ROBO2: variants seen among roughly 807,000 people sequenced by gnomAD.
ROBO2 encodes the protein roundabout homolog 2.
A neutral mutation model predicts 160.8 loss-of-function variants in ROBO2; 53 were observed. The observed-to-expected ratio is 0.33, with a 90% CI of 0.26 to 0.41. The LOEUF is 0.41. Among genes scored for constraint, ROBO2 ranks in the 10% least tolerant of loss-of-function variants. The pLI, the probability that ROBO2 is intolerant of heterozygous loss-of-function variation, is 1.00. For missense variants in ROBO2, 1,577 were observed against 1,722.4 expected (o/e 0.92, Z 1.49); for synonymous variants, 664 against 611.7 (o/e 1.09, Z -1.26).
At chr3:76,514,820 GGTTA>G (rs1436622713) in intron 2 of ROBO2, among the ~76,000 whole-genome samples, 6 of 152,108 alleles carry the variant, frequency 3.9e-5, no homozygotes, top group South Asian at 2.1e-4. Flanking sequence ...GAAACTCAGA[GGTTA>G]GATACATGAT....
chr3:77,374,152 C>T (rs145876447), intron 2 of ROBO2, among the ~76,000 whole-genome samples: 39 of 109,348 alleles, frequency 3.6e-4, no homozygotes, highest in African/African-American at 1.4e-3. Flanking sequence ...CCCAGGCCGA[C>T]AACAGCGAGA....
chr3:76,940,281 C>T (rs1399636452), intron 2 of ROBO2, among the ~76,000 whole-genome samples: 4 of 151,998 alleles, frequency 2.6e-5, no homozygotes, highest in Non-Finnish European at 4.4e-5. Context: ...TGCGCCTCGC[C>T]GCAACAGGAT....
intron 2 of ROBO2, among the ~76,000 whole-genome samples, chr3:76,590,381 T>C (rs2086339624): frequency 6.6e-6 from 1 of 152,130 alleles, no homozygotes. Context: ...TTTATACGTA[T>C]AATTATTTAA....
chr3:76,399,096 A>T (rs1267354188), intron 2 of ROBO2, among the ~76,000 whole-genome samples: 1 of 151,848 alleles, frequency 6.6e-6, no homozygotes, highest in Admixed American at 6.6e-5. Flanking sequence ...CGCAAGCATA[A>T]TATAATTTTA....
At chr3:77,410,531 C>CCTCCTCTTCT (rs1560757016) in intron 2 of ROBO2, among the ~76,000 whole-genome samples, 17 of 117,080 alleles carry the variant, frequency 1.5e-4, no homozygotes, top group Admixed American at 7.3e-4. Context: ...CCTCCTCTTC[C>CCTCCTCTTCT]TCCTCCTCTT....
intron 2 of ROBO2, among the ~76,000 whole-genome samples, chr3:75,981,367 G>A (rs566970359): frequency 9.2e-5 from 14 of 151,500 alleles, no homozygotes; most frequent in African/African-American, 3.4e-4. Context: ...GGGTTGTGGT[G>A]AGGAATAAAG....
At chr3:76,026,002 G>C (rs777713674) in intron 2 of ROBO2, among the ~76,000 whole-genome samples, 3 of 151,838 alleles carry the variant, frequency 2.0e-5, no homozygotes, top group Non-Finnish European at 4.4e-5. Context: ...CAATCTCACT[G>C]TATTTATTCT....
intron 2 of ROBO2, among the ~76,000 whole-genome samples, chr3:76,685,904 T>C (rs931316920): frequency 3.3e-5 from 5 of 152,144 alleles, no homozygotes; most frequent in African/African-American, 1.2e-4. Flanking sequence ...GCAGAGAGTA[T>C]GCATCCTTTC....
chr3:76,483,662 C>G (rs2107375485), intron 2 of ROBO2, among the ~76,000 whole-genome samples: 1 of 152,126 alleles, frequency 6.6e-6, no homozygotes, highest in Middle Eastern at 3.4e-3. Flanking sequence ...ATTTCACCAC[C>G]CAGGTAGTAA....
rs150972512 is a variant in ROBO2 at position 77,376,033 on chromosome 3, G to A, written c.389-101381G>A. Among the ~76,000 whole-genome samples, 261 of 152,172 alleles carry A rather than the reference G, an allele frequency of 1.7e-3. 1 individual carries two copies. The highest frequency in any genetic ancestry group is 6.1e-3 in the African/African-American group (253 of 41,500). ...TGGCTCTTTGGCATCCATTGTGAGC[G>A]AGATGGACACAGTCCAGGAAATATC... On this transcript the variant is annotated intron_variant, in intron 2 of 25. Coordinates refer to ENST00000461745, the Ensembl canonical transcript of ROBO2.
intron 2 of ROBO2, among the ~76,000 whole-genome samples, chr3:76,441,910 A>G (rs958404189): frequency 1.3e-5 from 2 of 152,238 alleles, no homozygotes; most frequent in Admixed American, 1.3e-4. Context: ...ATCTGCCTTT[A>G]ATTTAGTAAA....
chr3:77,210,645 T>A (rs1448297319), intron 2 of ROBO2, among the ~76,000 whole-genome samples: 2 of 152,162 alleles, frequency 1.3e-5, no homozygotes, highest in Admixed American at 6.5e-5. Flanking sequence ...CGTGCAGGTT[T>A]GTTACATATG....
intron 2 of ROBO2, among the ~76,000 whole-genome samples, chr3:76,912,951 G>A (rs1336168283): frequency 6.6e-6 from 1 of 151,482 alleles, no homozygotes; most frequent in Non-Finnish European, 1.5e-5. Flanking sequence ...TACAGAGGGA[G>A]TTTAAAAAAA....
At chr3:77,141,641 G>A (rs1332967820) in intron 2 of ROBO2, among the ~76,000 whole-genome samples, 1 of 152,164 alleles carries the variant, frequency 6.6e-6, no homozygotes, top group Non-Finnish European at 1.5e-5. Flanking sequence ...GTGCATCTTT[G>A]ATAAGGTTCT....
At chr3:76,786,398 A>G (rs907768020) in intron 2 of ROBO2, among the ~76,000 whole-genome samples, 5 of 151,356 alleles carry the variant, frequency 3.3e-5, no homozygotes, top group Admixed American at 6.6e-5. Context: ...CTGCTTCTGC[A>G]TAGGTCTCAG....
chr3:77,478,258 G>T (rs1309639335), intron 3 of ROBO2, among the ~76,000 whole-genome samples: 1 of 152,128 alleles, frequency 6.6e-6, no homozygotes, highest in Non-Finnish European at 1.5e-5. Context: ...AATTATAAGA[G>T]AAATTAATTT....
At chr3:77,366,898 C>CCCCA (rs1553924926) in intron 2 of ROBO2, among the ~76,000 whole-genome samples, 7 of 146,280 alleles carry the variant, frequency 4.8e-5, no homozygotes, top group Non-Finnish European at 1.1e-4. Context: ...ACAGCACCCC[C>CCCCA]CCGACACTCA....
chr3:77,619,924 C>G (rs2094865791), intron 22 of ROBO2, among the ~76,000 whole-genome samples: 1 of 152,138 alleles, frequency 6.6e-6, no homozygotes, highest in Non-Finnish European at 1.5e-5. Context: ...CTGTCCCTGG[C>G]TGTATATTAG....
chr3:76,622,187 AAAGAAAGG>A lies in ROBO2; in HGVS notation c.110-475823_110-475816del, dbSNP rs1303125336. 7.0e-5 allele frequency among the ~76,000 whole-genome samples: 4 copies of A among 57,188 alleles called. 1 individual carries two copies. The highest frequency in any genetic ancestry group is 8.8e-4 in the South Asian group (1 of 1,134). 37.5% of individuals were successfully genotyped at this position (57,188 alleles called of 152,430 possible). A position where few individuals can be genotyped will look rare whatever the true frequency, so the allele number is the denominator to read the frequency against. On this transcript the variant is annotated intron_variant, in intron 2 of 26. Coordinates refer to the ROBO2 transcript ENST00000487694. ...AGCAAGACCTCATATCTACTAAAAA[AAAGAAAGG>A]AAGGAAGGAAGGAAGGAAGGAAGGA...
Sources: gnomAD v4.1 joint callset for allele counts (sites outside exome capture counted in the v4.1 genomes callset) on GRCh38, gnomAD v4.1.1 for gene constraint, MANE v1.5 for transcripts, NCBI Gene and HGNC (gene_info 2026-07-23, HGNC 2026-07-21) for gene names.